GTF2E2: variants seen among roughly 807,000 people sequenced by gnomAD.
GTF2E2 encodes transcription initiation factor IIE subunit beta.
A neutral mutation model predicts 40.5 loss-of-function variants in GTF2E2; 21 were observed. The ratio of observed to expected loss-of-function variants is 0.52; its 90% confidence interval spans 0.37 to 0.75. GTF2E2 has a LOEUF of 0.75. Among genes scored for constraint, GTF2E2 ranks in the 30% least tolerant of loss-of-function variants. The pLI is 0.00. For synonymous variants in GTF2E2, 117 were observed against 121.6 expected (o/e 0.96, Z 0.25); for missense variants, 298 against 338.4 (o/e 0.88, Z 0.94).
chr8:30,628,789 G>C (rs1801356095), intron 3 of GTF2E2, among the ~76,000 whole-genome samples: 1 of 151,992 alleles, frequency 6.6e-6, no homozygotes, highest in African/African-American at 2.4e-5. Flanking sequence ...AAATTAGCCG[G>C]GTGTGGTGGC....
At chr8:30,589,006 C>A (rs962761138) in intron 6 of GTF2E2, among the ~76,000 whole-genome samples, 1 of 152,126 alleles carries the variant, frequency 6.6e-6, no homozygotes, top group African/African-American at 2.4e-5. Context: ...GTAATCCCAG[C>A]ACTTTTGGAG....
At position 30,624,191 on chromosome 8, in the gene GTF2E2, C is replaced by T. The variant is rs147907798; in HGVS notation, c.259-9476G>A. On this transcript the variant is annotated intron_variant, in intron 3 of 7. Transcript: ENST00000355904. ...TCCATCTTGAATTAATTTTTGTATA[C>T]GGTGTAAGGAAGGGATCCAGTTTCA... Among the ~76,000 whole-genome samples, 20 of 152,044 alleles carry T rather than the reference C, an allele frequency of 1.3e-4. No homozygotes were observed. The South Asian group carries it at 3.3e-3, about 25-fold the overall frequency.
chr8:30,603,866 A>G (rs1206235648), intron 6 of GTF2E2, among the ~76,000 whole-genome samples: 1 of 152,128 alleles, frequency 6.6e-6, no homozygotes, highest in Non-Finnish European at 1.5e-5. Flanking sequence ...CATAGAGAAA[A>G]TAACAGTGAG....
chr8:30,579,247 G>A (rs1014423944), intron 7 of GTF2E2, among the ~76,000 whole-genome samples: 2 of 152,120 alleles, frequency 1.3e-5, no homozygotes, highest in African/African-American at 2.4e-5. Flanking sequence ...ATGCCATCGG[G>A]AATGAAGGAG....
intron 3 of GTF2E2, among the ~76,000 whole-genome samples, chr8:30,630,122 A>G (rs1277549862): frequency 6.6e-6 from 1 of 152,180 alleles, no homozygotes; most frequent in East Asian, 1.9e-4. Context: ...TAAACCATAA[A>G]GTTCCTCTTT....
chr8:30,591,597 C>T (rs942643520), intron 6 of GTF2E2, among the ~76,000 whole-genome samples: 3 of 152,218 alleles, frequency 2.0e-5, no homozygotes, highest in African/African-American at 7.2e-5. Flanking sequence ...ATCACAGTAA[C>T]ACTTCACATC....
rs145770585 is a variant in GTF2E2 at position 30,581,810 on chromosome 8, C to T, written c.644-1414G>A. Among the ~76,000 whole-genome samples the T allele has an allele frequency of 1.5e-3, 229 of 152,078 alleles. 1 individual carries two copies. The highest frequency in any genetic ancestry group is 6.8e-3 in the Middle Eastern group (2 of 294). On this transcript the variant is annotated intron_variant, in intron 6 of 7. Coordinates refer to ENST00000355904, the MANE Select transcript of GTF2E2 (RefSeq NM_002095.6). ...ATTTCCATCTTGTTTCCATGATAGT[C>T]GGCGTATTTCCATCTCGTTTCCATG...
intron 3 of GTF2E2, among the ~76,000 whole-genome samples, chr8:30,619,508 C>G (rs1801022403): frequency 6.6e-6 from 1 of 151,792 alleles, no homozygotes; most frequent in South Asian, 2.1e-4. Context: ...CCTGCTTCAG[C>G]TTCCCAAGTA....
At chr8:30,579,169 C>A (rs957740609) in intron 7 of GTF2E2, 132 bp from the exon 8 acceptor site, 22 of 675,450 alleles carry the variant, frequency 3.3e-5, no homozygotes, top group Middle Eastern at 7.8e-4. Flanking sequence ...CTCTGCCACC[C>A]AGCAGCACAC....
At chr8:30,584,684 A>G (rs1444061792) in intron 6 of GTF2E2, 2 of 152,212 alleles carry the variant, frequency 1.3e-5, no homozygotes, top group Non-Finnish European at 2.9e-5. Context: ...CAACTTACCA[A>G]TGAGGCTTTG....
intron 6 of GTF2E2, among the ~76,000 whole-genome samples, chr8:30,595,463 G>A (rs1301892282): frequency 6.6e-6 from 1 of 152,118 alleles, no homozygotes; most frequent in Non-Finnish European, 1.5e-5. Flanking sequence ...AATATTTCCA[G>A]TAGTGCAGGT....
At chr8:30,632,229 A>G (rs980595156) in intron 3 of GTF2E2, among the ~76,000 whole-genome samples, 2 of 152,264 alleles carry the variant, frequency 1.3e-5, no homozygotes, top group Admixed American at 1.3e-4. Flanking sequence ...TTAAATTATT[A>G]CAAAAATTGA....
At chr8:30,620,246 A>ACACAC (rs1801050314) in intron 3 of GTF2E2, among the ~76,000 whole-genome samples, 1 of 151,626 alleles carries the variant, frequency 6.6e-6, no homozygotes, top group Non-Finnish European at 1.5e-5. Context: ...ACAAACACAC[A>ACACAC]CACACACACA....
rs1188374092 is a variant in GTF2E2 at position 30,653,517 on chromosome 8, A to T, written c.82T>A (p.Ser28Thr). The T allele has an allele frequency of 6.2e-7, 1 of 1,613,436 alleles. No individual in the cohort carries two copies. Among genetic ancestry groups the T allele is most frequent in the Admixed American group, 1.7e-5 (1 of 60,010 alleles). ...STPVVEKRSA[S>T]SESSSSSSKK... ...GACGATGATGATGATGACTCAGAAGATGCTGAACGTTTTTCTACTACAGGA... is the reference window on the plus strand; with the variant it reads ...GACGATGATGATGATGACTCAGAAGTTGCTGAACGTTTTTCTACTACAGGA... Residue 28 changes from serine to threonine, a missense_variant, in exon 2 of 8, where the codon TCT (serine) becomes ACT (threonine). Physicochemically the swap from Ser to Thr is moderately conservative, Grantham distance 58. Coordinates refer to ENST00000355904, the MANE Select transcript of GTF2E2 (RefSeq NM_002095.6).
chr8:30,626,167 T>G (rs1801265566), intron 3 of GTF2E2, among the ~76,000 whole-genome samples: 1 of 152,214 alleles, frequency 6.6e-6, no homozygotes, highest in African/African-American at 2.4e-5. Flanking sequence ...TCTGAAATGT[T>G]GCAAAACATG....
chr8:30,640,620 G>GA (rs1801782538), intron 2 of GTF2E2, among the ~76,000 whole-genome samples: 1 of 152,102 alleles, frequency 6.6e-6, no homozygotes, highest in African/African-American at 2.4e-5. Flanking sequence ...TTTTCATAAA[G>GA]AATGTTTACA....
chr8:30,623,574 C>G (rs1210176728), intron 3 of GTF2E2, among the ~76,000 whole-genome samples: 1 of 152,032 alleles, frequency 6.6e-6, no homozygotes, highest in Admixed American at 6.5e-5. Flanking sequence ...AGTTCTAGAT[C>G]CCTGAGGAAT....
intron 6 of GTF2E2, among the ~76,000 whole-genome samples, chr8:30,603,869 A>G (rs1202547487): frequency 6.6e-6 from 1 of 152,150 alleles, no homozygotes; most frequent in African/African-American, 2.4e-5. Context: ...AGAGAAAATA[A>G]CAGTGAGAAA....
intron 6 of GTF2E2, among the ~76,000 whole-genome samples, chr8:30,593,996 T>C (rs1828922567): frequency 6.6e-6 from 1 of 152,074 alleles, no homozygotes; most frequent in Admixed American, 6.6e-5. Flanking sequence ...AGTGGAGCAA[T>C]CTTGGCTCAC....
Sources: gnomAD v4.1 joint callset for allele counts (sites outside exome capture counted in the v4.1 genomes callset) on GRCh38, gnomAD v4.1.1 for gene constraint, MANE v1.5 for transcripts, NCBI Gene and HGNC (gene_info 2026-07-23, HGNC 2026-07-21) for gene names.